Variants in CAPZA2 observed in about 807,000 individuals in gnomAD.
CAPZA2 encodes capping actin protein of muscle Z-line subunit alpha 2.
Under a neutral mutation model 44.0 loss-of-function variants are expected in CAPZA2, and 13 were observed. The ratio of observed to expected loss-of-function variants is 0.30; its 90% CI spans 0.19 to 0.47. The LOEUF is 0.47. Among genes scored for constraint, CAPZA2 ranks in the 20% least tolerant of loss-of-function variants. The probability of loss-of-function intolerance (pLI) is 1.00; values close to 1 mark genes in which losing one functional copy is unlikely to be tolerated. For missense variants in CAPZA2, 244 were observed against 338.6 expected (o/e 0.72, Z 2.19); for synonymous variants, 94 against 108.2 (o/e 0.87, Z 0.81).
chr7:116,879,124 C>CAAAAAAAAA (rs71148337), intron 1 of CAPZA2, among the ~76,000 whole-genome samples: 3 of 45,298 alleles, frequency 6.6e-5, no homozygotes, highest in Non-Finnish European at 1.3e-4. Flanking sequence ...AACTCTGTCT[C>CAAAAAAAAA]AAAAAAAAAA....
At chr7:116,883,349 G>A (rs1227997087) in intron 1 of CAPZA2, among the ~76,000 whole-genome samples, 1 of 152,068 alleles carries the variant, frequency 6.6e-6, no homozygotes, top group Non-Finnish European at 1.5e-5. Flanking sequence ...TCAGCGAGGA[G>A]GAATGTTGAG....
intron 4 of CAPZA2, among the ~76,000 whole-genome samples, chr7:116,903,119 A>C (rs1262773089): frequency 6.6e-6 from 1 of 152,214 alleles, no homozygotes; most frequent in Non-Finnish European, 1.5e-5. Flanking sequence ...ATTATGTTAT[A>C]ATCACGTCAT....
chr7:116,904,216 T>C lies in CAPZA2; in HGVS notation c.259T>C (p.Phe87Leu). ...TEHGDLGNGKFLDPKNRICFK... is the reference protein window; with the variant it reads ...TEHGDLGNGKLLDPKNRICFK... ...ACATGGCGACTTGGGAAATGGAAAGTTTTTGGATCCAAAGAACAGAATCTG... is the reference window on the plus strand; with the variant it reads ...ACATGGCGACTTGGGAAATGGAAAGCTTTTGGATCCAAAGAACAGAATCTG... The change falls in exon 5 of 10, where the codon TTT (phenylalanine) becomes CTT (leucine). Residue 87 changes from phenylalanine (F) to leucine (L), a missense_variant. Physicochemically the swap from Phe to Leu is conservative, Grantham distance 22. Transcript: ENST00000361183. 6.2e-7 allele frequency: 1 copy of C among 1,613,000 alleles called. No homozygotes were observed. The highest frequency in any genetic ancestry group is 8.5e-7 in the Non-Finnish European group (1 of 1,179,134).
rs779208190 is a variant in CAPZA2, at chr7:116,906,288, A to G, written c.452A>G (p.Gln151Arg). ...CTVYGKKIDG[Q>R]QTIIACIESH... ...GTGTATGGCAAAAAAATAGATGGAC[A>G]GCAAACCATTATTGCATGCATAGAA... Residue 151 changes from glutamine (Q) to arginine (R), a missense_variant, in exon 6 of 10, where the codon CAG becomes CGG. Gln to Arg is a conservative substitution (Grantham distance 43, BLOSUM62 1). Coordinates refer to ENST00000361183, the MANE Select transcript of CAPZA2 (RefSeq NM_006136.3). 24 of 1,612,918 alleles carry G rather than the reference A, an allele frequency of 1.5e-5. No homozygotes were observed. The highest frequency in any genetic ancestry group is 1.7e-5 in the Non-Finnish European group (20 of 1,179,834).
intron 1 of CAPZA2, among the ~76,000 whole-genome samples, chr7:116,868,934 G>A (rs1796515411): frequency 6.6e-6 from 1 of 152,186 alleles, no homozygotes; most frequent in African/African-American, 2.4e-5. Flanking sequence ...GTACATTAAA[G>A]TAAATTTGTA....
chr7:116,891,141 CTTCT>C (rs1433602201), intron 2 of CAPZA2, among the ~76,000 whole-genome samples: 13 of 152,156 alleles, frequency 8.5e-5, no homozygotes, highest in African/African-American at 3.1e-4. Flanking sequence ...AGCCTGATTT[CTTCT>C]TTAAGAGAAA....
intron 2 of CAPZA2, chr7:116,888,426 T>G: frequency 2.5e-6 from 1 of 393,672 alleles, no homozygotes; most frequent in East Asian, 4.1e-5. Context: ...TTTATTCATA[T>G]CACTGACTAG....
At chr7:116,865,327 T>A (rs11977452) in intron 1 of CAPZA2, among the ~76,000 whole-genome samples, 106,454 of 151,340 alleles carry the variant, frequency 0.7, 37,526 homozygotes, top group East Asian at 0.84. Context: ...CTGGGATAAC[T>A]GGCACATGCC....
intron 4 of CAPZA2, 136 bp from the exon 5 acceptor site, chr7:116,904,041 A>G (rs1393913769): frequency 1.5e-5 from 9 of 619,382 alleles, no homozygotes; most frequent in South Asian, 1.0e-4. Context: ...TAGTTGTACC[A>G]TATGGTTAAA....
intron 2 of CAPZA2, among the ~76,000 whole-genome samples, chr7:116,891,681 T>G (rs886734204): frequency 6.6e-6 from 1 of 152,072 alleles, no homozygotes; most frequent in African/African-American, 2.4e-5. Context: ...CCGGCTAGTT[T>G]TTTGTATTTT....
At chr7:116,913,577 A>G (rs1203493406) in intron 8 of CAPZA2, among the ~76,000 whole-genome samples, 1 of 151,834 alleles carries the variant, frequency 6.6e-6, no homozygotes, top group African/African-American at 2.4e-5. Context: ...TTTCCCTTGC[A>G]TATGCAACTG....
At chr7:116,876,763 G>C (rs1035957661) in intron 1 of CAPZA2, among the ~76,000 whole-genome samples, 2 of 152,186 alleles carry the variant, frequency 1.3e-5, no homozygotes, top group African/African-American at 2.4e-5. Flanking sequence ...TACAAAACCT[G>C]ACACTGGACA....
chr7:116,901,929 A>G (rs1027562215), intron 4 of CAPZA2, among the ~76,000 whole-genome samples: 2 of 144,920 alleles, frequency 1.4e-5, no homozygotes, highest in African/African-American at 5.2e-5. Flanking sequence ...GTATATATAT[A>G]TATGTATATA....
chr7:116,904,084 T>C (rs1443936387), intron 4 of CAPZA2, 93 bp from the exon 5 acceptor site: 1 of 747,136 alleles, frequency 1.3e-6, no homozygotes, highest in Middle Eastern at 3.9e-4. Context: ...TTTTATAGTT[T>C]TAAGGAAGAA....
In CAPZA2 at chr7:116,920,734, A is replaced by C. The variant is rs1357680784; in HGVS notation, c.*2867A>C. 1 of 152,334 alleles carries C rather than the reference A, an allele frequency of 6.6e-6. No individual in the cohort carries two copies. The highest frequency in any genetic ancestry group is 1.5e-5 in the Non-Finnish European group (1 of 68,132). 9.4% of individuals were successfully genotyped at this position (152,334 alleles called of 1,614,324 possible). The stretch of plus-strand genomic sequence containing the variant: ...GAAAGCTCTGGGCTAGAAGAATGGG[A>C]AAGTGCATGAACCTGGAAACAATTT... On this transcript the variant is annotated 3_prime_UTR_variant, in exon 10 of 10. Transcript: ENST00000361183.
chr7:116,904,165 CCAT>C lies in CAPZA2; in HGVS notation c.220-6_220-4del, dbSNP rs1797030175. 2 of 1,529,732 alleles carry C rather than the reference CCAT, an allele frequency of 1.3e-6. No homozygotes were observed. Among genetic ancestry groups the C allele is most frequent in the Non-Finnish European group, 1.8e-6 (2 of 1,116,296 alleles). 94.8% of individuals were successfully genotyped at this position (1,529,732 alleles called of 1,614,324 possible). A position where few individuals can be genotyped will look rare whatever the true frequency, so the allele number is the denominator to read the frequency against. On this transcript the variant is annotated splice_polypyrimidine_tract_variant and intron_variant, in intron 4 of 9. Coordinates refer to ENST00000361183, the MANE Select transcript of CAPZA2 (RefSeq NM_006136.3). The stretch of plus-strand genomic sequence containing the variant: ...TTTTTATTTTTTTTCTAAATTCATT[CCAT>C]CATCAAAGGTATTGATAACAGAACA...
intron 1 of CAPZA2, among the ~76,000 whole-genome samples, chr7:116,865,115 G>GGTA (rs1163127900): frequency 1.3e-5 from 2 of 151,206 alleles, no homozygotes; most frequent in African/African-American, 4.9e-5. Flanking sequence ...TCAAGATGAA[G>GGTA]GTAGTATTTA....
At chr7:116,905,573 C>G (rs1232694053) in intron 5 of CAPZA2, among the ~76,000 whole-genome samples, 1 of 152,254 alleles carries the variant, frequency 6.6e-6, no homozygotes, top group Non-Finnish European at 1.5e-5. Flanking sequence ...GTATCTAGCT[C>G]TCTGATTATT....
chr7:116,894,895 A>G (rs907720290), intron 3 of CAPZA2, among the ~76,000 whole-genome samples: 1 of 152,118 alleles, frequency 6.6e-6, no homozygotes, highest in Admixed American at 6.5e-5. Context: ...TTATCCGTTT[A>G]TCTTCCAATG....
Sources: gnomAD v4.1 joint callset for allele counts (sites outside exome capture counted in the v4.1 genomes callset) on GRCh38, gnomAD v4.1.1 for gene constraint, MANE v1.5 for transcripts, NCBI Gene and HGNC (gene_info 2026-07-23, HGNC 2026-07-21) for gene names.